Variants in TRMO observed in about 807,000 individuals in gnomAD.
TRMO encodes the protein tRNA (adenine(37)-N6)-methyltransferase.
In TRMO, 30 loss-of-function variants were observed where a neutral mutation model predicts 37.2. That is an observed-to-expected ratio of 0.81 (90% CI 0.60 to 1.09). The LOEUF (loss-of-function observed/expected upper bound fraction) is 1.09. Among genes scored for constraint, TRMO ranks in the 50% least tolerant of loss-of-function variants. The pLI is 0.00. For missense variants in TRMO, 552 were observed against 549.5 expected (o/e 1.00, Z -0.05); for synonymous variants, 239 against 199.4 (o/e 1.20, Z -1.67).
chr9:97,897,065 G>A, the TRMO span, among the ~76,000 whole-genome samples: 1 of 152,176 alleles, frequency 6.6e-6, no homozygotes, highest in African/African-American at 2.4e-5. Context: ...GCAAACATGG[G>A]TTGTATAACC....
At chr9:97,904,099 A>T (rs2131510745), downstream of TRMO, among the ~76,000 whole-genome samples, 1 of 152,246 alleles carries the variant, frequency 6.6e-6, no homozygotes, top group East Asian at 1.9e-4. Flanking sequence ...AAACAAAAAC[A>T]AAAAAACAGT....
At position 97,904,833 on chromosome 9, in the gene TRMO, C is replaced by T; in HGVS notation, c.1226G>A (p.Trp409Ter). 1 of 1,614,206 alleles carries T rather than the reference C, an allele frequency of 6.2e-7. No individual in the cohort carries two copies. The highest frequency in any genetic ancestry group is 8.5e-7 in the Non-Finnish European group (1 of 1,180,038). The change falls in exon 5 of 5, where the codon TGG becomes TAG. Residue 409 changes from tryptophan (W) to a stop codon, truncating the protein, a stop_gained. Transcript: ENST00000375119. LOFTEE classifies it high-confidence loss of function. ...CACCTCTGCAAAGCCATCACCAAAC[C>T]AGCAAGTGACATGCGCTATGTCTAC... ...FTVDIAHVTCWFGDGFAEVLR... is the reference protein window; with the variant it reads ...FTVDIAHVTC
At chr9:97,921,801 T>TAGTA (rs2131544749) in intron 1 of TRMO, among the ~76,000 whole-genome samples, 1 of 152,314 alleles carries the variant, frequency 6.6e-6, no homozygotes, top group South Asian at 2.1e-4. Context: ...ACAGGTCGTA[T>TAGTA]AGTACCTCAC....
At chr9:97,903,675 AT>A (rs1405960043), downstream of TRMO, among the ~76,000 whole-genome samples, 1 of 152,240 alleles carries the variant, frequency 6.6e-6, no homozygotes, top group Non-Finnish European at 1.5e-5. Flanking sequence ...ACAATAATTT[AT>A]TTATGTCTTA....
chr9:97,904,878 T>C lies in TRMO; in HGVS notation c.1181A>G (p.Asp394Gly), dbSNP rs1283461748. ...GTCTACAGTAAAGTAGAAAAGGCGG[T>C]CCTGGCAAAGCTTCCGGCGGTACAC... is the stretch of plus-strand genomic sequence containing the variant. ...RSVYRRKLCQ[D>G]RLFYFTVDIA... The change falls in exon 5 of 5, where the codon GAC becomes GGC. Residue 394 changes from aspartate to glycine, a missense_variant. Asp to Gly is a moderately conservative substitution (Grantham distance 94). Transcript: ENST00000375119. The C allele has an allele frequency of 1.2e-6, 2 of 1,614,122 alleles. No homozygotes were observed. Among genetic ancestry groups the C allele is most frequent in the Admixed American group, 1.7e-5 (1 of 60,022 alleles).
chr9:97,916,705 C>CT (rs555924368), intron 1 of TRMO, among the ~76,000 whole-genome samples: 2,630 of 124,596 alleles, frequency 0.021, 71 homozygotes, highest in Middle Eastern at 0.046. Context: ...GTATTTCTTT[C>CT]TTTTTTTTTT....
intron 1 of TRMO, 135 bp downstream of exon 1, chr9:97,922,283 C>G: frequency 1.5e-6 from 1 of 654,888 alleles, no homozygotes; most frequent in Non-Finnish European, 2.7e-6. Flanking sequence ...AGCACGTGAC[C>G]CGTGCCTTCG....
At chr9:97,897,646 G>A in the TRMO span, among the ~76,000 whole-genome samples, 3 of 152,152 alleles carry the variant, frequency 2.0e-5, no homozygotes, top group African/African-American at 7.2e-5. Context: ...GCATTGTAAA[G>A]TCTATACTAA....
chr9:97,907,763 T>C (rs2131517799), intron 4 of TRMO, among the ~76,000 whole-genome samples: 1 of 152,240 alleles, frequency 6.6e-6, no homozygotes, highest in East Asian at 1.9e-4. Flanking sequence ...CCTCGTCCCT[T>C]TTCTAGTGCC....
chr9:97,899,703 T>A (rs1831124387), downstream of TRMO, among the ~76,000 whole-genome samples: 1 of 151,930 alleles, frequency 6.6e-6, no homozygotes, highest in Middle Eastern at 3.2e-3. Context: ...CTGGGCAACA[T>A]GGCAAAACCC....
intron 4 of TRMO, among the ~76,000 whole-genome samples, chr9:97,908,229 G>A (rs748759084): frequency 2.8e-4 from 42 of 152,072 alleles, no homozygotes; most frequent in Non-Finnish European, 5.6e-4. Flanking sequence ...TGCCTAACAC[G>A]GTGAAACTCA....
the TRMO span, among the ~76,000 whole-genome samples, chr9:97,898,590 G>A: frequency 1.3e-5 from 2 of 151,754 alleles, no homozygotes; most frequent in East Asian, 1.9e-4. Flanking sequence ...GGCTTTTCAC[G>A]TTACCCAGAC....
chr9:97,921,724 C>T lies in TRMO; in HGVS notation c.76+694G>A, dbSNP rs117560064. Among the ~76,000 whole-genome samples, 373 of 152,182 alleles carry T rather than the reference C, an allele frequency of 2.5e-3. 7 individuals carry two copies. In the East Asian group the frequency reaches 0.057, roughly 23 times the overall value. On this transcript the variant is annotated intron_variant, in intron 1 of 4. Coordinates refer to ENST00000375119, the MANE Select transcript of TRMO (RefSeq NM_016481.5). ...CAGGCATGAGCCGCTGCGCCCGGCC[C>T]AAAGTGTTATAATTAACATTAACTG...
rs1227851659 is a variant in TRMO at position 97,919,214 on chromosome 9, T to C, written c.77-2876A>G. Among the ~76,000 whole-genome samples, 5 of 152,162 alleles carry C rather than the reference T, an allele frequency of 3.3e-5. No individual in the cohort carries two copies. The East Asian group carries it at 9.6e-4, about 29-fold the overall frequency. The stretch of plus-strand genomic sequence containing the variant: ...CTGAGGCCAAACGACCTGGCATATC[T>C]TCTTTATGTCTGGAAGATAAATGGC... On this transcript the variant is annotated intron_variant, in intron 1 of 4. Transcript: ENST00000375119.
At chr9:97,903,160 C>A (rs1825720592), downstream of TRMO, among the ~76,000 whole-genome samples, 1 of 151,922 alleles carries the variant, frequency 6.6e-6, no homozygotes, top group Non-Finnish European at 1.5e-5. Flanking sequence ...CCCAGCTACT[C>A]AGGAAGGTGA....
chr9:97,899,701 C>T (rs1049031181), downstream of TRMO, among the ~76,000 whole-genome samples: 5 of 152,082 alleles, frequency 3.3e-5, no homozygotes, highest in Non-Finnish European at 7.4e-5. Context: ...GCCTGGGCAA[C>T]ATGGCAAAAC....
At position 97,904,600 on chromosome 9, in the gene TRMO, T is replaced by G. The variant is rs1197221763; in HGVS notation, c.*133A>C. On this transcript the variant is annotated 3_prime_UTR_variant, in exon 5 of 5. Coordinates refer to ENST00000375119, the MANE Select transcript of TRMO (RefSeq NM_016481.5). Reference sequence around the variant, plus strand: ...GTATACGTTTTTCAAATAAACATTTTGAACAGCCCAAATCAATCAAAGCCA... The same window carrying G: ...GTATACGTTTTTCAAATAAACATTTGGAACAGCCCAAATCAATCAAAGCCA... The G allele has an allele frequency of 6.7e-7, 1 of 1,499,230 alleles. No individual in the cohort carries two copies. Among genetic ancestry groups the G allele is most frequent in the East Asian group, 2.3e-5 (1 of 43,790 alleles). 92.9% of individuals were successfully genotyped at this position (1,499,230 alleles called of 1,614,324 possible).
intron 4 of TRMO, among the ~76,000 whole-genome samples, chr9:97,908,348 C>T (rs1171208253): frequency 6.7e-6 from 1 of 148,388 alleles, no homozygotes; most frequent in African/African-American, 2.5e-5. Context: ...GGAGGCGGAG[C>T]TTGCAGTGAG....
intron 1 of TRMO, among the ~76,000 whole-genome samples, chr9:97,919,230 G>A (rs1197478950): frequency 6.6e-6 from 1 of 152,010 alleles, no homozygotes; most frequent in Non-Finnish European, 1.5e-5. Flanking sequence ...ATGTCTGGAA[G>A]ATAAATGGCC....
Sources: gnomAD v4.1 joint callset for allele counts (sites outside exome capture counted in the v4.1 genomes callset) on GRCh38, gnomAD v4.1.1 for gene constraint, MANE v1.5 for transcripts, NCBI Gene and HGNC (gene_info 2026-07-23, HGNC 2026-07-21) for gene names.